The following CERKL variants were observed in gnomAD, a reference collection of about 807,000 sequenced individuals.
CERKL encodes CERK like autophagy regulator.
In CERKL, 61 loss-of-function variants were observed where a neutral mutation model predicts 63.4. The ratio of observed to expected loss-of-function variants is 0.96; its 90% confidence interval spans 0.78 to 1.19. The LOEUF is 1.19. Among genes scored for constraint, CERKL ranks in the 50% most tolerant of loss-of-function variants. CERKL has a pLI of 0.00. For missense variants in CERKL, 675 were observed against 655.5 expected (o/e 1.03, Z -0.33); for synonymous variants, 250 against 230.5 (o/e 1.08, Z -0.77).
In CERKL at chr2:181,537,101, A is replaced by G. The variant is rs1474066287; in HGVS notation, c.*1083T>C. 5 of 452,390 alleles carry G rather than the reference A, an allele frequency of 1.1e-5. No individual in the cohort carries two copies. In the East Asian group the frequency reaches 3.5e-4, roughly 31 times the overall value. The allele number at this position is 452,390 out of a possible 1,614,324, so 28.0% of individuals were successfully genotyped here. A position where few individuals can be genotyped will look rare whatever the true frequency, so the allele number is the denominator to read the frequency against. ...CCAGAGTGTGTATACACAGGAATAA[A>G]CTTTATGACATTTATGTATTTTTAA... On this transcript the variant is annotated 3_prime_UTR_variant, in exon 13 of 13. Coordinates refer to ENST00000410087, the MANE Select transcript of CERKL (RefSeq NM_201548.5).
At chr2:181,594,213 T>C (rs1685101136) in intron 2 of CERKL, among the ~76,000 whole-genome samples, 2 of 152,206 alleles carry the variant, frequency 1.3e-5, no homozygotes, top group South Asian at 4.1e-4. Context: ...AAACTCTGTT[T>C]CAAGTACTTA....
intron 5 of CERKL, among the ~76,000 whole-genome samples, chr2:181,557,032 T>A (rs1435854408): frequency 6.6e-6 from 1 of 152,238 alleles, no homozygotes; most frequent in East Asian, 1.9e-4. Flanking sequence ...TTTGGCTGCA[T>A]AAATGTCTTC....
chr2:181,576,331 T>C (rs1684213158), intron 2 of CERKL, among the ~76,000 whole-genome samples: 1 of 151,850 alleles, frequency 6.6e-6, no homozygotes, highest in Admixed American at 6.6e-5. Context: ...ATTCTTAAAC[T>C]CTGTCCCTCA....
intron 2 of CERKL, among the ~76,000 whole-genome samples, chr2:181,600,014 C>T (rs191480929): frequency 6.6e-6 from 1 of 152,282 alleles, no homozygotes; most frequent in East Asian, 1.9e-4. Flanking sequence ...TCAGCAGAAA[C>T]CTTACAAGCA....
chr2:181,655,930 T>C (rs1311096664), intron 1 of CERKL, among the ~76,000 whole-genome samples: 1 of 152,116 alleles, frequency 6.6e-6, no homozygotes, highest in Non-Finnish European at 1.5e-5. Flanking sequence ...GACTTAGAAA[T>C]AAGACTATAT....
chr2:181,595,521 C>T (rs549592043), intron 2 of CERKL, among the ~76,000 whole-genome samples: 1 of 152,262 alleles, frequency 6.6e-6, no homozygotes, highest in Admixed American at 6.5e-5. Context: ...TAAATCTAAA[C>T]ACAGTAAATA....
At chr2:181,544,346 TATC>T (rs1687634929) in intron 11 of CERKL, among the ~76,000 whole-genome samples, 1 of 152,216 alleles carries the variant, frequency 6.6e-6, no homozygotes, top group African/African-American at 2.4e-5. Flanking sequence ...GCTGCCATAA[TATC>T]AAGAAGGCTA....
rs77741297 is a variant in CERKL at position 181,558,603 on chromosome 2, A to G, written c.783T>C (p.Pro261=). The change falls in exon 5 of 13, where the codon CCT becomes CCC. Residue 261 remains proline (P), a synonymous_variant. Transcript: ENST00000410087. This position sits in a 1 kb window ranked among gnomAD's most constrained non-coding sequence, Gnocchi z 4.2. ...AGCCAAGTGGAAGCTGTGCTCTGAC[A>G]GGAGTCAGGATTCGGTCTGTTTCCA... ...AGMETDRILT[P]VRAQLPLGLI... 3.1e-4 allele frequency: 494 copies of G among 1,613,760 alleles called. 1 individual carries two copies. The African/African-American group carries it at 5.6e-3, about 18-fold the overall frequency.
intron 1 of CERKL, among the ~76,000 whole-genome samples, chr2:181,643,013 G>A (rs1312435411): frequency 6.6e-6 from 1 of 152,136 alleles, no homozygotes; most frequent in Non-Finnish European, 1.5e-5. Flanking sequence ...AAAGGGCTTT[G>A]ACTTATATTT....
chr2:181,552,906 A>T (rs1201143928), intron 5 of CERKL, among the ~76,000 whole-genome samples: 1 of 152,188 alleles, frequency 6.6e-6, no homozygotes, highest in East Asian at 1.9e-4. Context: ...CTCAGGCCCC[A>T]TTCCAGACAC....
At chr2:181,646,073 G>A (rs564766033) in intron 1 of CERKL, among the ~76,000 whole-genome samples, 2 of 152,344 alleles carry the variant, frequency 1.3e-5, no homozygotes, top group South Asian at 4.2e-4. Context: ...GGAGGTGAAG[G>A]AGTAGGTCAA....
intron 5 of CERKL, among the ~76,000 whole-genome samples, chr2:181,553,587 A>C (rs1438244335): frequency 6.6e-6 from 1 of 152,216 alleles, no homozygotes; most frequent in Non-Finnish European, 1.5e-5. Context: ...CCCAAGTACA[A>C]AATTTTTTTA....
chr2:181,630,249 T>A (rs571085818), intron 1 of CERKL, among the ~76,000 whole-genome samples: 1 of 152,128 alleles, frequency 6.6e-6, no homozygotes, highest in South Asian at 2.1e-4. Flanking sequence ...TTTTGCCATG[T>A]TTCCCAGGCT....
Position 181,537,195 on chromosome 2 carries a change from A to G in CERKL, c.*989T>C, listed in dbSNP as rs1423506411. 2.2e-6 allele frequency: 1 copy of G among 453,958 alleles called. No individual in the cohort carries two copies. Among genetic ancestry groups the G allele is most frequent in the Admixed American group, 2.4e-5 (1 of 42,542 alleles). The allele number at this position is 453,958 out of a possible 1,614,324, so 28.1% of individuals were successfully genotyped here. On this transcript the variant is annotated 3_prime_UTR_variant, in exon 13 of 13. Coordinates refer to ENST00000410087, the MANE Select transcript of CERKL (RefSeq NM_201548.5). ...GAACATCTAGGATCATAGATGAAAA[A>G]TCAAGCCCCGATTTAGAACTGTCTT...
At chr2:181,628,826 T>C (rs1326132867) in intron 1 of CERKL, among the ~76,000 whole-genome samples, 3 of 152,164 alleles carry the variant, frequency 2.0e-5, no homozygotes, top group African/African-American at 7.2e-5. Context: ...GCCAAATTTT[T>C]GTTTCCCCAA....
chr2:181,567,298 A>T (rs1688707503), intron 3 of CERKL, among the ~76,000 whole-genome samples: 1 of 152,176 alleles, frequency 6.6e-6, no homozygotes, highest in South Asian at 2.1e-4. Context: ...ACAACCTTAA[A>T]ATGCAAAATA....
At chr2:181,595,553 T>C (rs182028682) in intron 2 of CERKL, among the ~76,000 whole-genome samples, 146 of 152,288 alleles carry the variant, frequency 9.6e-4, no homozygotes, top group Non-Finnish European at 1.4e-3. Context: ...ATAGGTATTG[T>C]AGAGTAACTG....
At chr2:181,539,734 A>G (rs564597844) in intron 11 of CERKL, among the ~76,000 whole-genome samples, 1 of 152,284 alleles carries the variant, frequency 6.6e-6, no homozygotes, top group South Asian at 2.1e-4. Flanking sequence ...TAAAAGAGAA[A>G]GCCAATCAAA....
intron 2 of CERKL, among the ~76,000 whole-genome samples, chr2:181,595,833 T>A (rs1422157966): frequency 6.6e-6 from 1 of 152,192 alleles, no homozygotes; most frequent in Non-Finnish European, 1.5e-5. Flanking sequence ...CCTTCTTACA[T>A]GAAAACATAT....
Sources: gnomAD v4.1 joint callset for allele counts (sites outside exome capture counted in the v4.1 genomes callset) on GRCh38, gnomAD v4.1.1 for gene constraint, Gnocchi (gnomAD v3.1) non-coding constraint, MANE v1.5 for transcripts, NCBI Gene and HGNC (gene_info 2026-07-23, HGNC 2026-07-21) for gene names.